The following COLGALT2 variants were observed in gnomAD, a reference collection of about 807,000 sequenced individuals.
COLGALT2 encodes collagen beta(1-O)galactosyltransferase 2, also known as procollagen galactosyltransferase 2.
Under a neutral mutation model 73.4 loss-of-function variants are expected in COLGALT2, and 49 were observed. That is an observed-to-expected ratio of 0.67 (90% CI 0.53 to 0.85). The LOEUF (loss-of-function observed/expected upper bound fraction) is 0.85, where lower values mean the gene tolerates loss of function less well. Among genes scored for constraint, COLGALT2 ranks in the 40% least tolerant of loss-of-function variants. The pLI is 0.00. For missense variants in COLGALT2, 722 were observed against 790.2 expected, an observed-to-expected ratio of 0.91 and a Z score of 1.03; for synonymous variants, 295 against 307.6, an observed-to-expected ratio of 0.96 and a Z score of 0.43.
At chr1:184,034,278 CTTTT>C (rs11347812) in intron 1 of COLGALT2, among the ~76,000 whole-genome samples, 1 of 143,024 alleles carries the variant, frequency 7.0e-6, no homozygotes, top group Admixed American at 6.9e-5. Context: ...GCCCTATTAT[CTTTT>C]TTTTTTTTTT....
chr1:183,938,905 G>A lies in COLGALT2; in HGVS notation c.1737C>T (p.Asp579=). 6.2e-7 allele frequency: 1 copy of A among 1,614,130 alleles called. No homozygotes were observed. Among genetic ancestry groups the A allele is most frequent in the African/African-American group, 1.3e-5 (1 of 75,024 alleles). The change falls in exon 12 of 12, where the codon GAC becomes GAT. Residue 579 remains aspartate (D), a synonymous_variant. Coordinates refer to ENST00000361927, the MANE Select transcript of COLGALT2 (RefSeq NM_015101.4). ...LSDTETSTIW[D]NETVATDWDR... ...CCCAGTCGGTGGCCACTGTCTCATTGTCCCAGATGGTGGAGGTCTCCGTGT... is the reference window on the plus strand; with the variant it reads ...CCCAGTCGGTGGCCACTGTCTCATTATCCCAGATGGTGGAGGTCTCCGTGT...
downstream of COLGALT2, among the ~76,000 whole-genome samples, chr1:183,934,368 G>T (rs920176788): frequency 6.6e-6 from 1 of 152,160 alleles, no homozygotes; most frequent in Non-Finnish European, 1.5e-5. Flanking sequence ...ACTTAGGGCC[G>T]CGGGCTCACA....
chr1:183,971,282 T>A (rs1444193563), intron 4 of COLGALT2, among the ~76,000 whole-genome samples: 1 of 152,188 alleles, frequency 6.6e-6, no homozygotes, highest in African/African-American at 2.4e-5. Flanking sequence ...CTATTCCTGC[T>A]CTAGTAGAGA....
rs149948023 is a variant in COLGALT2, at chr1:183,969,403, G to A, written c.698C>T (p.Pro233Leu). 180 of 1,613,848 alleles carry A rather than the reference G, an allele frequency of 1.1e-4. No individual in the cohort carries two copies. The African/African-American group carries it at 2.1e-3, about 18-fold the overall frequency. ...EWKRTGCFPV[P>L]MVHSTFLIDL... is the part of the protein sequence containing the mutation. ...AATTAGGAAGGTGGAGTGGACCATG[G>A]GGACGGGGAAGCAGCCTGTCCTCTT... The change falls in exon 5 of 12, where the codon CCC (proline) becomes CTC (leucine). Residue 233 changes from proline to leucine, a missense_variant. Pro to Leu is a moderately conservative substitution (Grantham distance 98). Transcript: ENST00000361927.
rs1449655929 is a variant in COLGALT2 at position 183,963,930 on chromosome 1, T to G, written c.923A>C (p.Asn308Thr). The change falls in exon 6 of 12, where the codon AAC (asparagine) becomes ACC (threonine). Residue 308 changes from asparagine to threonine, a missense_variant. By Grantham distance (65) the Asn-to-Thr change is moderately conservative. Transcript: ENST00000361927. Reference sequence around the variant, plus strand: ...TGCTTCAATCTGCACATGGATGAGGTTCTCGATGTCTTCCTGCAGTGTCTG... The same window carrying G: ...TGCTTCAATCTGCACATGGATGAGGGTCTCGATGTCTTCCTGCAGTGTCTG... The part of the protein sequence containing the change: ...PHQTLQEDIE[N>T]LIHVQIEAMI... 3.1e-6 allele frequency: 5 copies of G among 1,611,724 alleles called. No homozygotes were observed. Among genetic ancestry groups the G allele is most frequent in the Non-Finnish European group, 4.2e-6 (5 of 1,178,822 alleles).
At chr1:184,005,922 T>C (rs1178735444) in intron 1 of COLGALT2, among the ~76,000 whole-genome samples, 1 of 152,166 alleles carries the variant, frequency 6.6e-6, no homozygotes, top group Non-Finnish European at 1.5e-5. Flanking sequence ...TTTGCTATCA[T>C]AGAAACTTGG....
Position 183,936,178 on chromosome 1 carries a change from T to G in COLGALT2, c.*2583A>C. The G allele has an allele frequency of 7.1e-6, 7 of 985,554 alleles. No homozygotes were observed. Among genetic ancestry groups the G allele is most frequent in the Non-Finnish European group, 8.4e-6 (7 of 830,040 alleles). The allele number at this position is 985,554 out of a possible 1,614,324, so 61.1% of individuals were successfully genotyped here. A position where few individuals can be genotyped will look rare whatever the true frequency, so the allele number is the denominator to read the frequency against. ...GGTGCCAGGCCCAGATGCAAAGGCC[T>G]CTATACTGACGCCCTCACATGACAC... On this transcript the variant is annotated 3_prime_UTR_variant, in exon 12 of 12. Transcript: ENST00000361927.
At position 183,935,981 on chromosome 1, in the gene COLGALT2, C is replaced by T. The variant is rs921232258; in HGVS notation, c.*2780G>A. On this transcript the variant is annotated 3_prime_UTR_variant, in exon 12 of 12. Transcript: ENST00000361927. ...TTGTTCTCAGAGCTCCTGCAGCAGG[C>T]CTGAATGAACCGCAAGCGGGGCCCA... 9 of 983,332 alleles carry T rather than the reference C, an allele frequency of 9.2e-6. No individual in the cohort carries two copies. Among genetic ancestry groups the T allele is most frequent in the Non-Finnish European group, 9.6e-6 (8 of 829,252 alleles). The allele number at this position is 983,332 out of a possible 1,614,324, so 60.9% of individuals were successfully genotyped here.
At chr1:183,945,630 A>G (rs908395171) in intron 8 of COLGALT2, 66 bp from the exon 9 acceptor site, 1 of 1,584,348 alleles carries the variant, frequency 6.3e-7, no homozygotes, top group African/African-American at 1.3e-5. Context: ...GGCCAGAGAA[A>G]GAGAGAGTTA....
In COLGALT2 at chr1:184,037,647, C is replaced by T; in HGVS notation, c.-290G>A. On this transcript the variant is annotated 5_prime_UTR_variant, in exon 1 of 12. Transcript: ENST00000361927. ...AGTAGTGGCCGAGGGGCTGTGTGCC[C>T]TGAGTCCTGAGGAAAGTTCCTCTAG... 6.7e-6 allele frequency: 7 copies of T among 1,039,142 alleles called. No homozygotes were observed. Among genetic ancestry groups the T allele is most frequent in the Non-Finnish European group, 5.8e-6 (5 of 865,526 alleles). 64.4% of individuals were successfully genotyped at this position (1,039,142 alleles called of 1,614,324 possible). A position where few individuals can be genotyped will look rare whatever the true frequency, so the allele number is the denominator to read the frequency against.
rs767182193 is a variant in COLGALT2 at position 183,938,833 on chromosome 1, G to A, written c.1809C>T (p.Ser603=). The A allele has an allele frequency of 4.3e-6, 7 of 1,614,200 alleles. No homozygotes were observed. The East Asian group carries it at 1.3e-4, about 31-fold the overall frequency. Reference sequence around the variant, plus strand: ...GCAGGGCCTCTGTGTTCTTGGCATTGCTGTAGATGCGGCTTTGCTTCCGGG... The same window carrying A: ...GCAGGGCCTCTGTGTTCTTGGCATTACTGTAGATGCGGCTTTGCTTCCGGG... The part of the protein sequence containing the change: ...WKSRKQSRIY[S]NAKNTEALPP... The change falls in exon 12 of 12, where the codon AGC becomes AGT. Residue 603 remains serine, a synonymous_variant. Transcript: ENST00000361927.
intron 7 of COLGALT2, 44 bp downstream of exon 7, chr1:183,954,718 T>C: frequency 1.4e-6 from 2 of 1,452,044 alleles, no homozygotes; most frequent in Non-Finnish European, 1.9e-6. Flanking sequence ...CACACAAGCC[T>C]GCACACGCGT....
intron 1 of COLGALT2, among the ~76,000 whole-genome samples, chr1:184,013,705 G>A (rs1281621500): frequency 1.3e-5 from 2 of 152,032 alleles, no homozygotes; most frequent in Non-Finnish European, 1.5e-5. Context: ...CCTAAAGAAA[G>A]GTCATGTAGC....
chr1:183,956,048 T>C lies in COLGALT2; in HGVS notation c.953-1210A>G, dbSNP rs1026442256. On this transcript the variant is annotated intron_variant, in intron 6 of 11. Coordinates refer to ENST00000361927, the MANE Select transcript of COLGALT2 (RefSeq NM_015101.4). ...GTGAATTGGAAGCAGCCTGGAACAT[T>C]GCATCAACACATGAAGGGCAGCTCC... 3.9e-5 allele frequency among the ~76,000 whole-genome samples: 6 copies of C among 152,302 alleles called. No individual in the cohort carries two copies. In the South Asian group the frequency reaches 6.2e-4, roughly 16 times the overall value.
In COLGALT2 at chr1:183,940,832, T is replaced by C. The variant is rs1205499459; in HGVS notation, c.1398-45A>G. On this transcript the variant is annotated intron_variant, in intron 10 of 11. Coordinates refer to ENST00000361927, the MANE Select transcript of COLGALT2 (RefSeq NM_015101.4). ...GAGAAAAATTCCACCTTGACTATTA[T>C]GCCATGATAAGGATGAAGCACAGCT... 2.0e-6 allele frequency: 3 copies of C among 1,511,872 alleles called. No individual in the cohort carries two copies. The South Asian group carries it at 3.4e-5, about 17-fold the overall frequency. The allele number at this position is 1,511,872 out of a possible 1,614,324, so 93.7% of individuals were successfully genotyped here. A position where few individuals can be genotyped will look rare whatever the true frequency, so the allele number is the denominator to read the frequency against.
At chr1:184,029,230 T>C (rs1391897509) in intron 1 of COLGALT2, among the ~76,000 whole-genome samples, 2 of 152,220 alleles carry the variant, frequency 1.3e-5, no homozygotes, top group Non-Finnish European at 2.9e-5. Flanking sequence ...TTACCTATAA[T>C]GAGATTTTTA....
intron 1 of COLGALT2, among the ~76,000 whole-genome samples, chr1:184,023,663 G>A (rs948208201): frequency 2.6e-5 from 4 of 151,386 alleles, no homozygotes; most frequent in Non-Finnish European, 5.9e-5. Flanking sequence ...GGGCGGTGCC[G>A]GAAGCATTCT....
chr1:183,992,813 G>A (rs1671665210), intron 1 of COLGALT2, among the ~76,000 whole-genome samples: 1 of 152,164 alleles, frequency 6.6e-6, no homozygotes, highest in African/African-American at 2.4e-5. Flanking sequence ...CTCCCCAAAT[G>A]GGTAAAATCC....
chr1:183,950,431 A>G (rs1240731563), intron 8 of COLGALT2, among the ~76,000 whole-genome samples: 1 of 152,088 alleles, frequency 6.6e-6, no homozygotes, highest in African/African-American at 2.4e-5. Flanking sequence ...CTATGCCTTG[A>G]AATAGTTTAG....
Sources: allele counts gnomAD v4.1 joint callset (sites outside exome capture counted in the v4.1 genomes callset), GRCh38; gene constraint gnomAD v4.1.1; transcripts MANE v1.5; gene names NCBI Gene and HGNC (gene_info 2026-07-23, HGNC 2026-07-21).